Variants in STK32C observed in about 807,000 individuals in gnomAD.
STK32C encodes the protein serine/threonine kinase 32C.
STK32C carries 31 observed loss-of-function variants against 56.5 expected under a neutral mutation model. The observed-to-expected ratio is 0.55, with a 90% confidence interval of 0.41 to 0.74. The LOEUF is 0.74. STK32C is among the 30% of genes least tolerant of loss of function. The probability of loss-of-function intolerance (pLI) is 0.00; values close to 1 mark genes in which losing one functional copy is unlikely to be tolerated. For missense variants in STK32C, 544 were observed against 676.9 expected, an observed-to-expected ratio of 0.80 and a Z score of 2.18; for synonymous variants, 309 against 289.4, an observed-to-expected ratio of 1.07 and a Z score of -0.69.
At chr10:132,287,606 C>G (rs1275992262) in intron 1 of STK32C, among the ~76,000 whole-genome samples, 1 of 151,648 alleles carries the variant, frequency 6.6e-6, no homozygotes, top group Non-Finnish European at 1.5e-5. Context: ...CGTGCACCAC[C>G]ATGTCCGGCT....
intron 1 of STK32C, among the ~76,000 whole-genome samples, chr10:132,267,790 C>CCTGT (rs59824067): frequency 0.12 from 6,066 of 49,926 alleles, 1,087 homozygotes; most frequent in African/African-American, 0.23. Context: ...CAGCTCTATG[C>CCTGT]CTGTGTGCAT....
At chr10:132,280,604 ACT>A (rs1249819179) in intron 1 of STK32C, among the ~76,000 whole-genome samples, 3 of 133,746 alleles carry the variant, frequency 2.2e-5, no homozygotes, top group African/African-American at 5.8e-5. Context: ...ACGCCACTCC[ACT>A]CTGTGACCAC....
intron 2 of STK32C, among the ~76,000 whole-genome samples, chr10:132,236,767 G>A (rs903136538): frequency 2.0e-5 from 3 of 152,132 alleles, no homozygotes; most frequent in Non-Finnish European, 2.9e-5. Flanking sequence ...ATTCAGACAT[G>A]TGCCTGCCAG....
At chr10:132,269,051 C>T (rs533487435) in intron 1 of STK32C, among the ~76,000 whole-genome samples, 7 of 142,080 alleles carry the variant, frequency 4.9e-5, no homozygotes, top group African/African-American at 1.3e-4. Context: ...GTGTGTGTGT[C>T]GGTGTGTGCA....
intron 10 of STK32C, among the ~76,000 whole-genome samples, chr10:132,210,301 G>A (rs2137560608): frequency 6.6e-6 from 1 of 152,334 alleles, no homozygotes; most frequent in South Asian, 2.1e-4. Context: ...CTGTCACCCA[G>A]ACTAGAGTGC....
intron 1 of STK32C, among the ~76,000 whole-genome samples, chr10:132,284,176 C>A (rs945633716): frequency 6.6e-6 from 1 of 151,606 alleles, no homozygotes; most frequent in African/African-American, 2.4e-5. Flanking sequence ...CGCATCCACC[C>A]GTGCCTGAGG....
At chr10:132,234,148 G>C (rs769383200) in intron 2 of STK32C, among the ~76,000 whole-genome samples, 6 of 152,150 alleles carry the variant, frequency 3.9e-5, no homozygotes, top group Non-Finnish European at 5.9e-5. Flanking sequence ...TTAACACCTT[G>C]CCTGGCTACT....
chr10:132,207,827 C>T lies in STK32C; in HGVS notation c.*183G>A. ...AAATGCCCTCCACAGGTGTCCCCTGCACCCACAGCCTCTTGTCCCCTGCAC... is the reference window on the plus strand; with the variant it reads ...AAATGCCCTCCACAGGTGTCCCCTGTACCCACAGCCTCTTGTCCCCTGCAC... On this transcript the variant is annotated 3_prime_UTR_variant, in exon 12 of 12. Transcript: ENST00000298630. The T allele has an allele frequency of 2.8e-6, 2 of 707,756 alleles. No homozygotes were observed. Among genetic ancestry groups the T allele is most frequent in the East Asian group, 3.4e-5 (1 of 29,260 alleles). The allele number at this position is 707,756 out of a possible 1,614,324, so 43.8% of individuals were successfully genotyped here.
chr10:132,265,061 CCG>C (rs1565125397), intron 1 of STK32C, among the ~76,000 whole-genome samples: 2 of 151,810 alleles, frequency 1.3e-5, no homozygotes, highest in African/African-American at 2.4e-5. Flanking sequence ...GCAGACATGG[CCG>C]CAAGGGCGGT....
chr10:132,240,585 A>G (rs1490325183), intron 2 of STK32C, among the ~76,000 whole-genome samples: 9 of 152,170 alleles, frequency 5.9e-5, no homozygotes, highest in Admixed American at 3.3e-4. Context: ...GGTCACTGCA[A>G]GGACAGGCGG....
At chr10:132,282,157 G>C (rs2065232206) in intron 1 of STK32C, among the ~76,000 whole-genome samples, 1 of 152,210 alleles carries the variant, frequency 6.6e-6, no homozygotes, top group South Asian at 2.1e-4. Flanking sequence ...CACTTGGGAA[G>C]AGCGGATGTG....
intron 1 of STK32C, among the ~76,000 whole-genome samples, chr10:132,273,750 T>C (rs2064908415): frequency 6.6e-6 from 1 of 152,066 alleles, no homozygotes; most frequent in Non-Finnish European, 1.5e-5. Context: ...GCACAGTGAA[T>C]GAATGCAGTG....
Position 132,307,869 on chromosome 10 carries a change from G to GGGCATGGCCGGCC in STK32C, c.-49_-37dup. The stretch of plus-strand genomic sequence containing the variant: ...GGGTGCGCGCGGCAGCCGGAACTCG[G>GGGCATGGCCGGCC]GGCATGGCCGGCCGGCAGGGCCGGG... On this transcript the variant is annotated 5_prime_UTR_variant, in exon 1 of 12. It adds an upstream start codon to the 5' untranslated region. Transcript: ENST00000298630. This position sits in a 1 kb window ranked among gnomAD's most constrained non-coding sequence, Gnocchi z 4.4. The GGGCATGGCCGGCC allele has an allele frequency of 8.7e-7, 1 of 1,143,126 alleles. No individual in the cohort carries two copies. The highest frequency in any genetic ancestry group is 1.1e-6 in the Non-Finnish European group (1 of 924,776). 70.8% of individuals were successfully genotyped at this position (1,143,126 alleles called of 1,614,324 possible). A position where few individuals can be genotyped will look rare whatever the true frequency, so the allele number is the denominator to read the frequency against.
Position 132,222,770 on chromosome 10 carries a change from T to G in STK32C, c.1122A>C (p.Lys374Asn). 6.2e-7 allele frequency: 1 copy of G among 1,600,666 alleles called. No homozygotes were observed. The highest frequency in any genetic ancestry group is 8.5e-7 in the Non-Finnish European group (1 of 1,174,054). ...KRVEPGFVPNKGRLHCDPTFE... is the reference protein window; with the variant it reads ...KRVEPGFVPNNGRLHCDPTFE... ...AGGTGGGGTCGCAGTGCAGACGGCC[T>G]TTCTACAGAGGGATGGGTGCTGAGC... is the stretch of plus-strand genomic sequence containing the variant. The change falls in exon 10 of 12, where the codon AAA (lysine) becomes AAC (asparagine). Residue 374 changes from lysine to asparagine, a missense_variant and splice_region_variant. Physicochemically the swap from Lys to Asn is moderately conservative, Grantham distance 94. Transcript: ENST00000298630.
intron 1 of STK32C, among the ~76,000 whole-genome samples, chr10:132,301,540 C>G (rs988531377): frequency 3.3e-5 from 5 of 152,168 alleles, no homozygotes; most frequent in African/African-American, 1.2e-4. Context: ...CTCGGGGACA[C>G]AGGATGCTCC....
rs146677257 is a variant in STK32C, at chr10:132,289,301, G to A, written c.262+18271C>T. On this transcript the variant is annotated intron_variant, in intron 1 of 11. Coordinates refer to ENST00000298630, the MANE Select transcript of STK32C (RefSeq NM_173575.4). The stretch of plus-strand genomic sequence containing the variant: ...ATCTTAGACCTAAACTTGACTTTAG[G>A]ATAGACAACGATTTCTTAGAGGAGA... 2.1e-3 allele frequency among the ~76,000 whole-genome samples: 321 copies of A among 152,210 alleles called. 2 individuals are homozygous for A. In the East Asian group the frequency reaches 0.023, roughly 11 times the overall value.
At chr10:132,259,284 A>C (rs973839506) in intron 1 of STK32C, among the ~76,000 whole-genome samples, 13 of 152,252 alleles carry the variant, frequency 8.5e-5, no homozygotes, top group African/African-American at 3.1e-4. Flanking sequence ...TTCCCACCCA[A>C]ATCTCATGTA....
At chr10:132,304,700 G>A (rs1403817217) in intron 1 of STK32C, among the ~76,000 whole-genome samples, 1 of 152,234 alleles carries the variant, frequency 6.6e-6, no homozygotes, top group Non-Finnish European at 1.5e-5. Flanking sequence ...ACATTTTAAT[G>A]CTTTCATAAT....
At chr10:132,294,783 C>T (rs768247303) in intron 1 of STK32C, among the ~76,000 whole-genome samples, 6 of 152,028 alleles carry the variant, frequency 3.9e-5, no homozygotes, top group East Asian at 1.9e-4. Flanking sequence ...CCCAGAGCCC[C>T]GGGTTCTGTA....
Sources: gnomAD v4.1 joint callset for allele counts (sites outside exome capture counted in the v4.1 genomes callset) on GRCh38, gnomAD v4.1.1 for gene constraint, Gnocchi (gnomAD v3.1) non-coding constraint, MANE v1.5 for transcripts, NCBI Gene and HGNC (gene_info 2026-07-23, HGNC 2026-07-21) for gene names.